Variants in DNAJC6 observed in about 807,000 individuals in gnomAD.
DNAJC6 encodes auxilin.
Under a neutral mutation model 110.0 loss-of-function variants are expected in DNAJC6, and 34 were observed. That is an observed-to-expected ratio of 0.31 (90% CI 0.24 to 0.41). DNAJC6 has a LOEUF of 0.41. Ranked by LOEUF, DNAJC6 falls within the 10% of genes least tolerant of loss-of-function variation. DNAJC6 has a pLI of 1.00. For missense variants in DNAJC6, 1,031 were observed against 1,207.8 expected (o/e 0.85, Z 2.17); for synonymous variants, 406 against 437.2 (o/e 0.93, Z 0.89).
chr1:65,319,939 T>C (rs1447190789), intron 1 of DNAJC6, among the ~76,000 whole-genome samples: 1 of 152,172 alleles, frequency 6.6e-6, no homozygotes, highest in African/African-American at 2.4e-5. Context: ...TCCCCTTCTC[T>C]CTAGTCAGTG....
Position 65,398,841 on chromosome 1 carries a change from G to A in DNAJC6, c.2067G>A (p.Gln689=), listed in dbSNP as rs1446741289. 1 of 1,613,978 alleles carries A rather than the reference G, an allele frequency of 6.2e-7. No individual in the cohort carries two copies. Among genetic ancestry groups the A allele is most frequent in the Non-Finnish European group, 8.5e-7 (1 of 1,180,010 alleles). ...CTAGTACGCCTGCTGTGAACATTCAGCCAGATGTTTCTGGAGGTTGGGACT... is the reference window on the plus strand; with the variant it reads ...CTAGTACGCCTGCTGTGAACATTCAACCAGATGTTTCTGGAGGTTGGGACT... ...HASSTPAVNI[Q]PDVSGGWDWH... Residue 689 remains glutamine (Q), a synonymous_variant, in exon 14 of 19, where the codon CAG becomes CAA. Transcript: ENST00000371069.
At position 65,406,336 on chromosome 1, in the gene DNAJC6, A is replaced by G. The variant is rs35980819; in HGVS notation, c.2491+203A>G. 0.4 allele frequency among the ~76,000 whole-genome samples: 60,420 copies of G among 151,556 alleles called. 12,819 individuals are homozygous for G. Among genetic ancestry groups the G allele is most frequent in the East Asian group, 0.74 (3,762 of 5,098 alleles). Reference sequence around the variant, plus strand: ...AGGCTCCTAGGTTGACTATGCTCCTAACTTTTATACCATTTTGTGACCGTG... The same window carrying G: ...AGGCTCCTAGGTTGACTATGCTCCTGACTTTTATACCATTTTGTGACCGTG... On this transcript the variant is annotated intron_variant, in intron 16 of 18. Transcript: ENST00000371069.
chr1:65,365,377 G>A (rs1645636220), intron 2 of DNAJC6, among the ~76,000 whole-genome samples: 1 of 152,110 alleles, frequency 6.6e-6, no homozygotes, highest in Non-Finnish European at 1.5e-5. Context: ...GTTACAATAT[G>A]CAGTTCTTAA....
At chr1:65,375,336 A>G (rs767131758) in intron 4 of DNAJC6, among the ~76,000 whole-genome samples, 1 of 152,080 alleles carries the variant, frequency 6.6e-6, no homozygotes, top group Non-Finnish European at 1.5e-5. Flanking sequence ...TGAAATAATC[A>G]CGTATTTTTT....
intron 1 of DNAJC6, among the ~76,000 whole-genome samples, chr1:65,274,127 G>T (rs548222970): frequency 2.0e-5 from 3 of 151,766 alleles, no homozygotes; most frequent in Non-Finnish European, 4.4e-5. Flanking sequence ...TTACTTTGTG[G>T]CTCTGTTATT....
Position 65,413,616 on chromosome 1 carries a change from C to G in DNAJC6, c.*591C>G, listed in dbSNP as rs1344745019. On this transcript the variant is annotated 3_prime_UTR_variant, in exon 19 of 19. Transcript: ENST00000371069. ...TGAAATGTGGGGAGTGATAATAGTC[C>G]AGTGATTAAACTACAGTCCAGTGAT... The G allele has an allele frequency of 6.6e-6, 1 of 151,964 alleles. No individual in the cohort carries two copies. The highest frequency in any genetic ancestry group is 1.9e-4 in the East Asian group (1 of 5,174). The allele number at this position is 151,964 out of a possible 1,614,324, so 9.4% of individuals were successfully genotyped here.
At chr1:65,315,498 A>G (rs1286160811) in intron 1 of DNAJC6, among the ~76,000 whole-genome samples, 1 of 152,192 alleles carries the variant, frequency 6.6e-6, no homozygotes, top group Non-Finnish European at 1.5e-5. Context: ...GTGTAAATAT[A>G]TATGCTTTAC....
rs546064454 is a variant in DNAJC6 at position 65,364,962 on chromosome 1, CACGGGCTGGGAGG to C, written c.344+180_344+192del. On this transcript the variant is annotated intron_variant, in intron 2 of 18. Coordinates refer to ENST00000371069, the MANE Select transcript of DNAJC6 (RefSeq NM_001256864.2). Reference sequence around the variant, plus strand: ...AGTTAAGTCCTTTAGAAGCTATAAGCACGGGCTGGGAGGACTCAGTTCATTGCCACATTAGAGT... The same window carrying C: ...AGTTAAGTCCTTTAGAAGCTATAAGCACTCAGTTCATTGCCACATTAGAGT... 1.8e-4 allele frequency among the ~76,000 whole-genome samples: 28 copies of C among 152,272 alleles called. 1 individual carries two copies. In the South Asian group the frequency reaches 5.8e-3, roughly 32 times the overall value.
chr1:65,365,911 C>T lies in DNAJC6; in HGVS notation c.371C>T (p.Thr124Ile), dbSNP rs777685662. The T allele has an allele frequency of 1.9e-6, 3 of 1,613,558 alleles. No homozygotes were observed. Among genetic ancestry groups the T allele is most frequent in the Non-Finnish European group, 2.5e-6 (3 of 1,179,682 alleles). Residue 124 changes from threonine to isoleucine, a missense_variant, in exon 3 of 19, where the codon ACT (threonine) becomes ATT (isoleucine). Physicochemically the swap from Thr to Ile is moderately conservative, Grantham distance 89. Transcript: ENST00000371069. ...TSYTKGDLDF[T>I]YVTSRIIVMS... is the part of the protein sequence containing the mutation. ...TACACAAAGGGAGATTTAGACTTCA[C>T]TTATGTTACCTCCAGAATTATTGGT...
chr1:65,311,454 A>G (rs1387071477), intron 1 of DNAJC6, among the ~76,000 whole-genome samples: 1 of 151,954 alleles, frequency 6.6e-6, no homozygotes, highest in African/African-American at 2.4e-5. Flanking sequence ...TGAACTCCTG[A>G]CCTCAGGTGA....
chr1:65,319,141 G>A (rs1477222045), intron 1 of DNAJC6, among the ~76,000 whole-genome samples: 1 of 152,206 alleles, frequency 6.6e-6, no homozygotes, highest in Non-Finnish European at 1.5e-5. Flanking sequence ...GGAGATACCT[G>A]GATGGCAGCA....
At chr1:65,280,356 A>G (rs150346480) in intron 1 of DNAJC6, among the ~76,000 whole-genome samples, 2 of 152,260 alleles carry the variant, frequency 1.3e-5, no homozygotes, top group East Asian at 3.9e-4. Context: ...GACGGCCCAA[A>G]CACTCTCCAC....
intron 1 of DNAJC6, among the ~76,000 whole-genome samples, chr1:65,349,004 A>G (rs1183912189): frequency 6.9e-6 from 1 of 145,800 alleles, no homozygotes; most frequent in East Asian, 2.0e-4. Context: ...ATGTAAATAT[A>G]TATAAGTATA....
intron 8 of DNAJC6, among the ~76,000 whole-genome samples, chr1:65,387,646 ATAT>A (rs915024333): frequency 1.1e-3 from 165 of 152,336 alleles, no homozygotes; most frequent in African/African-American, 3.9e-3. Flanking sequence ...ATATGGCCAA[ATAT>A]TATTCCATTG....
upstream of DNAJC6, among the ~76,000 whole-genome samples, chr1:65,306,947 A>G (rs1645044435): frequency 6.9e-6 from 1 of 145,932 alleles, no homozygotes; most frequent in Non-Finnish European, 1.5e-5. Context: ...ACAATTGTTA[A>G]GTACTACTCT....
At chr1:65,350,859 A>C (rs1235866139) in intron 1 of DNAJC6, among the ~76,000 whole-genome samples, 1 of 152,206 alleles carries the variant, frequency 6.6e-6, no homozygotes, top group Non-Finnish European at 1.5e-5. Context: ...CAGCATTTAT[A>C]ACCTCTGGTA....
intron 1 of DNAJC6, among the ~76,000 whole-genome samples, chr1:65,363,673 G>T (rs754131455): frequency 6.6e-6 from 1 of 152,026 alleles, no homozygotes; most frequent in Non-Finnish European, 1.5e-5. Flanking sequence ...AGGTGCTACT[G>T]GCATCTAGTG....
intron 1 of DNAJC6, among the ~76,000 whole-genome samples, chr1:65,297,477 T>A (rs1644939253): frequency 6.6e-6 from 1 of 152,254 alleles, no homozygotes; most frequent in Non-Finnish European, 1.5e-5. Context: ...TAGTAGTCCA[T>A]ACATTTCTCC....
chr1:65,301,344 A>G (rs1644976832), intron 1 of DNAJC6, among the ~76,000 whole-genome samples: 1 of 152,096 alleles, frequency 6.6e-6, no homozygotes, highest in Non-Finnish European at 1.5e-5. Flanking sequence ...CAAACAAACA[A>G]TCAATTCTGC....
Sources: allele counts gnomAD v4.1 joint callset (sites outside exome capture counted in the v4.1 genomes callset), GRCh38; gene constraint gnomAD v4.1.1; transcripts MANE v1.5; gene names NCBI Gene and HGNC (gene_info 2026-07-23, HGNC 2026-07-21).